The following PRKCH variants were observed in gnomAD, a reference collection of about 807,000 sequenced individuals.
PRKCH encodes the protein protein kinase C eta.
PRKCH carries 28 observed loss-of-function variants against 82.5 expected under a neutral mutation model. That is an observed-to-expected ratio of 0.34 (90% CI 0.25 to 0.47). The LOEUF (loss-of-function observed/expected upper bound fraction) is 0.47. Among genes scored for constraint, PRKCH ranks in the 20% least tolerant of loss-of-function variants. The pLI is 1.00. For missense variants in PRKCH, 705 were observed against 881.8 expected (o/e 0.80, Z 2.54); for synonymous variants, 322 against 327.4 (o/e 0.98, Z 0.18).
At chr14:61,286,272 T>TA (rs1204237151) in intron 1 of PRKCH, among the ~76,000 whole-genome samples, 3 of 152,204 alleles carry the variant, frequency 2.0e-5, no homozygotes, top group Non-Finnish European at 4.4e-5. Flanking sequence ...AGAAAAGTTT[T>TA]AAAAAAATTC....
intron 9 of PRKCH, among the ~76,000 whole-genome samples, chr14:61,466,502 AG>A (rs939325504): frequency 3.8e-4 from 57 of 151,872 alleles, no homozygotes; most frequent in Non-Finnish European, 5.9e-4. Context: ...AACAAAGACT[AG>A]GGGGTGAGGG....
At chr14:61,299,902 T>C (rs970857129) in intron 1 of PRKCH, 11 of 152,342 alleles carry the variant, frequency 7.2e-5, no homozygotes, top group African/African-American at 2.6e-4. Flanking sequence ...CATAAACCTA[T>C]GCATTATTAT....
At chr14:61,451,001 T>C in intron 6 of PRKCH, 30 bp downstream of exon 6, 1 of 1,609,508 alleles carries the variant, frequency 6.2e-7, no homozygotes, top group Admixed American at 1.7e-5. Context: ...GGTACCCACC[T>C]CTTCATGGGA....
intron 1 of PRKCH, among the ~76,000 whole-genome samples, chr14:61,249,753 T>C (rs375702585): frequency 2.0e-5 from 3 of 151,888 alleles, no homozygotes; most frequent in Non-Finnish European, 4.4e-5. Flanking sequence ...CCTGAGTAGC[T>C]GGGATTACAG....
Position 61,449,182 on chromosome 14 carries a change from A to G in PRKCH, c.632A>G (p.His211Arg). The stretch of plus-strand genomic sequence containing the variant: ...TTCCTAGTGTGCACCTGTGTCGTCC[A>G]TAAACGCTGCCATCATCTAATTGTT... ...YQCQVCTCVV[H>R]KRCHHLIVTA... Residue 211 changes from histidine (H) to arginine (R), a missense_variant, in exon 5 of 14, where the codon CAT becomes CGT. Physicochemically the swap from His to Arg is conservative, Grantham distance 29. Transcript: ENST00000332981. The G allele has an allele frequency of 6.2e-7, 1 of 1,614,068 alleles. No individual in the cohort carries two copies. Among genetic ancestry groups the G allele is most frequent in the South Asian group, 1.1e-5 (1 of 91,080 alleles).
At chr14:61,320,378 T>G (rs530695682), upstream of PRKCH, among the ~76,000 whole-genome samples, 1 of 152,240 alleles carries the variant, frequency 6.6e-6, no homozygotes, top group African/African-American at 2.4e-5. Flanking sequence ...GGCAGGCGAA[T>G]CACTTGAGGT....
chr14:61,206,287 C>T (rs2044523295), intron 1 of PRKCH, among the ~76,000 whole-genome samples: 2 of 152,210 alleles, frequency 1.3e-5, no homozygotes, highest in South Asian at 4.1e-4. Flanking sequence ...CCTCTGAAGG[C>T]TCTAGGGAAG....
chr14:61,207,691 T>C (rs1280595394), intron 1 of PRKCH, among the ~76,000 whole-genome samples: 1 of 152,196 alleles, frequency 6.6e-6, no homozygotes, highest in Non-Finnish European at 1.5e-5. Flanking sequence ...TAATATTACT[T>C]TATTCATGCA....
chr14:61,363,927 T>C (rs1311223398), intron 1 of PRKCH, among the ~76,000 whole-genome samples: 1 of 149,616 alleles, frequency 6.7e-6, no homozygotes, highest in East Asian at 1.9e-4. Context: ...TACATATATA[T>C]GTAAAAATAT....
intron 2 of PRKCH, among the ~76,000 whole-genome samples, chr14:61,428,445 G>GT (rs947919035): frequency 5.9e-5 from 9 of 151,922 alleles, no homozygotes; most frequent in East Asian, 1.9e-4. Flanking sequence ...TTTTTCAGGG[G>GT]TTTTTTTTAA....
rs111830891 is a variant in PRKCH at position 61,227,017 on chromosome 14, C to T, written c.-19+39349C>T. Among the ~76,000 whole-genome samples, 366 of 152,264 alleles carry T rather than the reference C, an allele frequency of 2.4e-3. 2 individuals carry two copies. The highest frequency in any genetic ancestry group is 8.2e-3 in the African/African-American group (342 of 41,544). On this transcript the variant is annotated intron_variant, in intron 1 of 3. Transcript: ENST00000555185. ...TGGGCAATGCCTTGGTCCATTGTCG[C>T]CATTAACCACCTAAATTTGTTTATC...
upstream of PRKCH, among the ~76,000 whole-genome samples, chr14:61,320,831 T>G (rs566882064): frequency 2.9e-4 from 44 of 152,308 alleles, 1 homozygote; most frequent in Middle Eastern, 0.01. Flanking sequence ...TTCTTCCGCG[T>G]GTGTGTTGGG....
At chr14:61,428,110 C>CATATATATATATATATATAT (rs1435502380) in intron 2 of PRKCH, among the ~76,000 whole-genome samples, 1 of 75,444 alleles carries the variant, frequency 1.3e-5, no homozygotes, top group African/African-American at 5.3e-5. Context: ...TATATATACA[C>CATATATATATATATATATAT]ACATATATAT....
chr14:61,296,837 T>C (rs1240994650), intron 1 of PRKCH, among the ~76,000 whole-genome samples: 1 of 152,200 alleles, frequency 6.6e-6, no homozygotes, highest in African/African-American at 2.4e-5. Context: ...AGAGTGAAAG[T>C]AGAAAGTTGT....
upstream of PRKCH, among the ~76,000 whole-genome samples, chr14:61,321,242 A>G (rs534400620): frequency 7.9e-5 from 12 of 152,200 alleles, no homozygotes; most frequent in African/African-American, 2.9e-4. The surrounding 1 kb of genome is among the most constrained non-coding windows in gnomAD (Gnocchi z 4.1). Flanking sequence ...GTTGGGAGAG[A>G]GGGGGCGGGC....
chr14:61,392,952 T>G (rs1347946752), intron 2 of PRKCH, among the ~76,000 whole-genome samples: 1 of 152,164 alleles, frequency 6.6e-6, no homozygotes, highest in Non-Finnish European at 1.5e-5. Flanking sequence ...AACATTTTTT[T>G]TCAATACACG....
rs547034638 is a variant in PRKCH, at chr14:61,253,977, TCCTCCCTCCCTCCCTCCCTC to T, written c.-19+66325_-19+66344del. 4.5e-4 allele frequency among the ~76,000 whole-genome samples: 33 copies of T among 74,088 alleles called. 1 individual carries two copies. Among genetic ancestry groups the T allele is most frequent in the African/African-American group, 1.3e-3 (28 of 21,228 alleles). The allele number at this position is 74,088 out of a possible 152,430, so 48.6% of individuals were successfully genotyped here. On this transcript the variant is annotated intron_variant, in intron 1 of 3. Coordinates refer to the PRKCH transcript ENST00000555185. ...TTTCCTTCCTTCTTCCCTCCCTCCCTCCTCCCTCCCTCCCTCCCTCCCTCCCTCCCTCCCTTCCTTCCTTC... is the reference window on the plus strand; with the variant it reads ...TTTCCTTCCTTCTTCCCTCCCTCCCTCCTCCCTCCCTCCCTTCCTTCCTTC...
At chr14:61,363,935 T>G (rs983297460) in intron 1 of PRKCH, among the ~76,000 whole-genome samples, 1 of 149,394 alleles carries the variant, frequency 6.7e-6, no homozygotes, top group Non-Finnish European at 1.5e-5. Context: ...TATGTAAAAA[T>G]ATGTAAATAT....
At chr14:61,480,374 A>AG (rs1342424683) in intron 9 of PRKCH, among the ~76,000 whole-genome samples, 1 of 152,172 alleles carries the variant, frequency 6.6e-6, no homozygotes, top group Non-Finnish European at 1.5e-5. Context: ...GTGTTTGTTG[A>AG]GTCATCAGTG....
Sources: gnomAD v4.1 joint callset for allele counts (sites outside exome capture counted in the v4.1 genomes callset) on GRCh38, gnomAD v4.1.1 for gene constraint, Gnocchi (gnomAD v3.1) non-coding constraint, MANE v1.5 for transcripts, NCBI Gene and HGNC (gene_info 2026-07-23, HGNC 2026-07-21) for gene names.